DRC4: variants seen among roughly 807,000 people sequenced by gnomAD.
DRC4 encodes GAS-11.
At chr16:90,020,384 C>T in the DRC4 span, among the ~76,000 whole-genome samples, 1 of 152,140 alleles carries the variant, frequency 6.6e-6, no homozygotes, top group African/African-American at 2.4e-5. Context: ...TCCAGGCCTT[C>T]ACTGAGTTGA....
chr16:90,034,947 A>G, the DRC4 span, among the ~76,000 whole-genome samples: 5 of 114,472 alleles, frequency 4.4e-5, no homozygotes, highest in South Asian at 6.3e-4. Context: ...CTTGTTGCCC[A>G]GGCTGGAGTG....
chr16:90,023,939 C>T, the DRC4 span, among the ~76,000 whole-genome samples: 2 of 133,052 alleles, frequency 1.5e-5, no homozygotes, highest in Admixed American at 1.4e-4. Flanking sequence ...TTGCAGCGAG[C>T]CGAGATCGCA....
At chr16:90,030,077 A>G in the DRC4 span, among the ~76,000 whole-genome samples, 1 of 152,070 alleles carries the variant, frequency 6.6e-6, no homozygotes, top group Non-Finnish European at 1.5e-5. Flanking sequence ...CTTAAGGGAA[A>G]TGAGCTCCCG....
At chr16:90,027,715 A>G in the DRC4 span, 12 of 1,612,366 alleles carry the variant, frequency 7.4e-6, no homozygotes, top group Non-Finnish European at 9.3e-6. Flanking sequence ...GACATGAGCA[A>G]GGAGCAGGTG....
At chr16:90,041,133 T>G in the DRC4 span, among the ~76,000 whole-genome samples, 2 of 152,200 alleles carry the variant, frequency 1.3e-5, no homozygotes, top group Admixed American at 1.3e-4. Flanking sequence ...AGCCTGCTGC[T>G]AAGCCACCGA....
At chr16:90,029,365 T>C in the DRC4 span, 4 of 1,274,400 alleles carry the variant, frequency 3.1e-6, no homozygotes, top group Admixed American at 4.3e-5. Context: ...GAGTGCCTTG[T>C]GGGCCTAGGA....
chr16:90,042,497 A>G, the DRC4 span: 1 of 1,613,804 alleles, frequency 6.2e-7, no homozygotes, highest in African/African-American at 1.3e-5. Flanking sequence ...GAACAGCACC[A>G]TCAAGGACCT....
At chr16:90,036,786 G>A in the DRC4 span, 2 of 699,042 alleles carry the variant, frequency 2.9e-6, no homozygotes, top group South Asian at 1.5e-5. Context: ...GTTAAAAGCA[G>A]TCAGGATATT....
the DRC4 span, chr16:90,027,830 A>G: frequency 9.9e-7 from 1 of 1,014,762 alleles, no homozygotes; most frequent in Admixed American, 2.1e-5. Flanking sequence ...CCTTCTGTCC[A>G]AGCCAGAACA....
chr16:90,041,571 T>C, the DRC4 span, among the ~76,000 whole-genome samples: 6,718 of 152,204 alleles, frequency 0.044, 497 homozygotes, highest in African/African-American at 0.15. Flanking sequence ...TTTGGGAGGC[T>C]GAGGTGGGCA....
chr16:90,036,652 C>G, the DRC4 span: 30 of 1,439,242 alleles, frequency 2.1e-5, no homozygotes, highest in East Asian at 6.9e-4. Flanking sequence ...CTGCAGAGTC[C>G]TGGGGATCCA....
At chr16:90,043,985 A>G in the DRC4 span, 4 of 417,650 alleles carry the variant, frequency 9.6e-6, no homozygotes, top group East Asian at 2.9e-4. Flanking sequence ...GATGGTTAAA[A>G]CAACCTGAGA....
the DRC4 span, among the ~76,000 whole-genome samples, chr16:90,035,428 G>T: frequency 6.6e-6 from 1 of 152,120 alleles, no homozygotes; most frequent in Non-Finnish European, 1.5e-5. Flanking sequence ...TCAGGCTGTG[G>T]GATGGTTTGG....
the DRC4 span, among the ~76,000 whole-genome samples, chr16:90,038,742 C>T: frequency 2.6e-5 from 4 of 152,156 alleles, no homozygotes; most frequent in Non-Finnish European, 5.9e-5. Flanking sequence ...GAAAACATCT[C>T]ATTTCGTGGG....
the DRC4 span, among the ~76,000 whole-genome samples, chr16:90,034,988 C>G: frequency 1.4e-5 from 2 of 146,666 alleles, no homozygotes; most frequent in Admixed American, 1.4e-4. Context: ...ACCACAACCT[C>G]TGCCTCCCGG....
the DRC4 span, chr16:90,037,946 G>T: frequency 3.7e-6 from 4 of 1,078,776 alleles, no homozygotes; most frequent in Non-Finnish European, 5.7e-6. Context: ...TGGCCCTGCA[G>T]TGGGGATGGC....
the DRC4 span, chr16:90,028,850 G>T: frequency 6.6e-6 from 6 of 912,648 alleles, no homozygotes; most frequent in South Asian, 7.9e-5. Flanking sequence ...AAATCAATAC[G>T]AAGGAGACTG....
the DRC4 span, chr16:90,022,685 G>C: frequency 7.0e-7 from 1 of 1,422,690 alleles, no homozygotes; most frequent in South Asian, 1.4e-5. Flanking sequence ...CGGGCGCCCT[G>C]GTCCCGGAGT....
the DRC4 span, chr16:90,019,963 A>G: frequency 5.7e-6 from 4 of 697,734 alleles, no homozygotes; most frequent in Admixed American, 8.1e-5. The surrounding 1 kb of genome is among the most constrained non-coding windows in gnomAD (Gnocchi z 6.1). Flanking sequence ...GATGGGAGGT[A>G]AGGAGAGGGC....
Sources: allele counts gnomAD v4.1 joint callset (sites outside exome capture counted in the v4.1 genomes callset), GRCh38; gene constraint gnomAD v4.1.1; non-coding constraint Gnocchi (gnomAD v3.1); transcripts MANE v1.5; gene names NCBI Gene and HGNC (gene_info 2026-07-23, HGNC 2026-07-21).